Variants in AKAP6 observed in about 807,000 individuals in gnomAD.
The protein encoded by AKAP6 is A-kinase anchoring protein 6.
AKAP6 carries 58 observed loss-of-function variants against 188.5 expected under a neutral mutation model. That is an observed-to-expected ratio of 0.31 (90% CI 0.25 to 0.38). The LOEUF (loss-of-function observed/expected upper bound fraction) is 0.38, where lower values mean the gene tolerates loss of function less well. Ranked by LOEUF, AKAP6 falls within the 10% of genes least tolerant of loss-of-function variation. The pLI, the probability that AKAP6 is intolerant of heterozygous loss-of-function variation, is 1.00. For synonymous variants in AKAP6, 989 were observed against 998.6 expected, an observed-to-expected ratio of 0.99 and a Z score of 0.18; for missense variants, 2,710 against 2,740.0, an observed-to-expected ratio of 0.99 and a Z score of 0.24.
intron 2 of AKAP6, among the ~76,000 whole-genome samples, chr14:32,509,227 C>T (rs1303250241): frequency 2.1e-5 from 3 of 146,254 alleles, no homozygotes; most frequent in South Asian, 2.1e-4. Flanking sequence ...TGGGTTCAAG[C>T]GATTCTCGTA....
At chr14:32,714,498 T>G (rs2030078551) in intron 9 of AKAP6, among the ~76,000 whole-genome samples, 1 of 152,042 alleles carries the variant, frequency 6.6e-6, no homozygotes, top group African/African-American at 2.4e-5. Context: ...TTGGTTCATT[T>G]CAGACCATAA....
At chr14:32,781,326 C>T (rs1261372341) in intron 12 of AKAP6, among the ~76,000 whole-genome samples, 1 of 137,328 alleles carries the variant, frequency 7.3e-6, no homozygotes, top group Admixed American at 7.5e-5. Context: ...CCAGCCTGGG[C>T]AACAAGAGTG....
chr14:32,603,659 C>T (rs1467351785), intron 7 of AKAP6, among the ~76,000 whole-genome samples: 2 of 152,068 alleles, frequency 1.3e-5, no homozygotes, highest in African/African-American at 4.8e-5. Flanking sequence ...CCTCACCCAA[C>T]GTGAATAAGA....
At chr14:32,602,385 C>A (rs1212863186) in intron 7 of AKAP6, among the ~76,000 whole-genome samples, 1 of 152,100 alleles carries the variant, frequency 6.6e-6, no homozygotes, top group African/African-American at 2.4e-5. Flanking sequence ...GTCCTAGTTA[C>A]TCAGGAGGCT....
intron 4 of AKAP6, among the ~76,000 whole-genome samples, chr14:32,551,064 C>G (rs1472240774): frequency 6.6e-6 from 1 of 152,200 alleles, no homozygotes; most frequent in Non-Finnish European, 1.5e-5. Flanking sequence ...TCCCTGATTT[C>G]CTCTCTGACA....
At chr14:32,436,522 C>T (rs921110062) in intron 2 of AKAP6, among the ~76,000 whole-genome samples, 2 of 152,228 alleles carry the variant, frequency 1.3e-5, no homozygotes, top group Non-Finnish European at 2.9e-5. Flanking sequence ...ACTACTGCTG[C>T]CATCCTAGTC....
At chr14:32,713,786 T>G (rs2030029300) in intron 9 of AKAP6, among the ~76,000 whole-genome samples, 2 of 152,098 alleles carry the variant, frequency 1.3e-5, no homozygotes, top group African/African-American at 4.8e-5. Context: ...ATCTTCTATC[T>G]AGACCACTAA....
At chr14:32,786,296 A>ATGTTTTTTTTTTTT in intron 12 of AKAP6, among the ~76,000 whole-genome samples, 5,714 of 93,232 alleles carry the variant, frequency 0.061, 1,495 homozygotes, top group Non-Finnish European at 0.078. Flanking sequence ...CTAAACCTTT[A>ATGTTTTTTTTTTTT]TCTTTTTTTT....
At chr14:32,404,235 A>C (rs7142538) in intron 1 of AKAP6, among the ~76,000 whole-genome samples, 1 of 152,158 alleles carries the variant, frequency 6.6e-6, no homozygotes, top group Non-Finnish European at 1.5e-5. Flanking sequence ...GATTGAAGTC[A>C]CTGCTGCCTG....
chr14:32,690,187 A>G (rs1362619912), intron 8 of AKAP6, among the ~76,000 whole-genome samples: 3 of 151,340 alleles, frequency 2.0e-5, no homozygotes, highest in African/African-American at 7.3e-5. Context: ...TCAACCAATA[A>G]TTGCTCTATT....
At chr14:32,424,388 G>A (rs2138675641) in intron 1 of AKAP6, among the ~76,000 whole-genome samples, 1 of 151,464 alleles carries the variant, frequency 6.6e-6, no homozygotes, top group East Asian at 1.9e-4. Context: ...TCTTGGTGTT[G>A]ACGTATCTTT....
At chr14:32,513,444 C>T (rs188889799) in intron 2 of AKAP6, among the ~76,000 whole-genome samples, 1 of 152,232 alleles carries the variant, frequency 6.6e-6, no homozygotes, top group Non-Finnish European at 1.5e-5. Flanking sequence ...GTTACCTGGC[C>T]ACCTGACATA....
At chr14:32,413,571 G>T (rs1889562968) in intron 1 of AKAP6, among the ~76,000 whole-genome samples, 1 of 152,060 alleles carries the variant, frequency 6.6e-6, no homozygotes, top group Admixed American at 6.6e-5. Flanking sequence ...TGCTTCCTGG[G>T]CCAATTCCTC....
intron 12 of AKAP6, among the ~76,000 whole-genome samples, chr14:32,794,693 A>G (rs2033711698): frequency 1.3e-5 from 2 of 152,224 alleles, no homozygotes; most frequent in Admixed American, 1.3e-4. Flanking sequence ...TCAAAAAGCT[A>G]GAAAGATCTC....
chr14:32,709,698 G>T (rs1890960114), intron 9 of AKAP6, among the ~76,000 whole-genome samples: 2 of 152,030 alleles, frequency 1.3e-5, no homozygotes. Flanking sequence ...CCATTAAAAT[G>T]TTTAACTCTC....
intron 7 of AKAP6, among the ~76,000 whole-genome samples, chr14:32,620,049 TG>T (rs1886749187): frequency 6.6e-6 from 1 of 152,202 alleles, no homozygotes; most frequent in South Asian, 2.1e-4. Flanking sequence ...GAGACTTTAC[TG>T]AATTCATTTA....
At chr14:32,551,928 A>G (rs907429754) in intron 4 of AKAP6, among the ~76,000 whole-genome samples, 2 of 151,918 alleles carry the variant, frequency 1.3e-5, no homozygotes, top group Non-Finnish European at 2.9e-5. Context: ...GGCCTCCCAA[A>G]GTGCTGGGAT....
At chr14:32,734,783 C>T (rs993592428) in intron 10 of AKAP6, among the ~76,000 whole-genome samples, 1 of 152,068 alleles carries the variant, frequency 6.6e-6, no homozygotes, top group Non-Finnish European at 1.5e-5. Context: ...CCTAAAGATA[C>T]TATTTACAGA....
chr14:32,754,054 A>G (rs777443734), intron 11 of AKAP6, among the ~76,000 whole-genome samples: 4 of 151,842 alleles, frequency 2.6e-5, no homozygotes, highest in Non-Finnish European at 4.4e-5. Context: ...TTCTATTTCT[A>G]TAGAAAAAGT....
Sources: allele counts gnomAD v4.1 joint callset (sites outside exome capture counted in the v4.1 genomes callset), GRCh38; gene constraint gnomAD v4.1.1; transcripts MANE v1.5; gene names NCBI Gene and HGNC (gene_info 2026-07-23, HGNC 2026-07-21).